PDE3A: variants seen among roughly 807,000 people sequenced by gnomAD.
PDE3A encodes phosphodiesterase 3A.
Under a neutral mutation model 98.3 loss-of-function variants are expected in PDE3A, and 43 were observed. That is an observed-to-expected ratio of 0.44 (90% CI 0.34 to 0.56). PDE3A has a LOEUF of 0.56. Ranked by LOEUF, PDE3A falls within the 20% of genes least tolerant of loss-of-function variation. The pLI is 0.01. For synonymous variants in PDE3A, 663 were observed against 567.9 expected (o/e 1.17, Z -2.38); for missense variants, 1,427 against 1,440.7 (o/e 0.99, Z 0.15).
chr12:20,444,824 T>G (rs1042111099), intron 1 of PDE3A, among the ~76,000 whole-genome samples: 2 of 152,184 alleles, frequency 1.3e-5, no homozygotes, highest in African/African-American at 2.4e-5. Context: ...CCTTAAATTG[T>G]CTGCCTCAGG....
In PDE3A at chr12:20,448,751, G is replaced by GTTTTT. The variant is rs1265923346; in HGVS notation, c.960+78507_960+78508insTTTTT. ...ACATTATTTAAAGTTTTTATTTTAAGGTTTTTTTTTTTTTTTGAGATGGAG... is the reference window on the plus strand; with the variant it reads ...ACATTATTTAAAGTTTTTATTTTAAGTTTTTGTTTTTTTTTTTTTTTGAGATGGAG... On this transcript the variant is annotated intron_variant, in intron 1 of 15. Transcript: ENST00000359062. Among the ~76,000 whole-genome samples, 29 of 134,318 alleles carry GTTTTT rather than the reference G, an allele frequency of 2.2e-4. 1 individual carries two copies. Among genetic ancestry groups the GTTTTT allele is most frequent in the Non-Finnish European group, 3.2e-4 (20 of 62,694 alleles). 88.1% of individuals were successfully genotyped at this position (134,318 alleles called of 152,430 possible).
chr12:20,408,024 A>G lies in PDE3A; in HGVS notation c.960+37780A>G, dbSNP rs567284748. On this transcript the variant is annotated intron_variant, in intron 1 of 15. Coordinates refer to ENST00000359062, the MANE Select transcript of PDE3A (RefSeq NM_000921.5). ...AACCTCCGTCTGCCTCCTGGGTTGA[A>G]GCAATTCTGCCTCTGCATCCTAAGT... 3.9e-5 allele frequency among the ~76,000 whole-genome samples: 6 copies of G among 152,178 alleles called. No individual in the cohort carries two copies. In the East Asian group the frequency reaches 1.2e-3, roughly 29 times the overall value.
chr12:20,633,746 G>A lies in PDE3A; in HGVS notation c.1814G>A (p.Ser605Asn), dbSNP rs752970172. The change falls in exon 7 of 16, where the codon AGT becomes AAT. Residue 605 changes from serine to asparagine, a missense_variant. Physicochemically the swap from Ser to Asn is conservative, Grantham distance 46. Around this residue, in one of 3 missense-constraint regions of PDE3A, gnomAD observed 1,012 missense variants for 886.5 expected, o/e 1.14. Coordinates refer to ENST00000359062, the MANE Select transcript of PDE3A (RefSeq NM_000921.5). Reference protein sequence around the residue: ...GNPADEPLERSGVATRTPSRT... With the variant: ...GNPADEPLERNGVATRTPSRT... ...CCTGCTGATGAGCCCCTGGAGAGAAGTGGGGTAGCCACTCGGACACCAAGT... is the reference window on the plus strand; with the variant it reads ...CCTGCTGATGAGCCCCTGGAGAGAAATGGGGTAGCCACTCGGACACCAAGT... 9.3e-6 allele frequency: 15 copies of A among 1,609,976 alleles called. No individual in the cohort carries two copies. The highest frequency in any genetic ancestry group is 1.7e-4 in the Middle Eastern group (1 of 6,046).
At chr12:20,433,130 T>G (rs1020451779) in intron 1 of PDE3A, among the ~76,000 whole-genome samples, 1 of 152,124 alleles carries the variant, frequency 6.6e-6, no homozygotes, top group Admixed American at 6.5e-5. Flanking sequence ...CCAAAAATCC[T>G]CCTTTTATTA....
chr12:20,588,010 A>C (rs1471672558), intron 2 of PDE3A, among the ~76,000 whole-genome samples: 1 of 152,198 alleles, frequency 6.6e-6, no homozygotes, highest in East Asian at 1.9e-4. Flanking sequence ...GCAGATAAAA[A>C]ATAGAGAAAA....
chr12:20,501,812 T>A (rs1946030091), intron 1 of PDE3A, among the ~76,000 whole-genome samples: 1 of 152,178 alleles, frequency 6.6e-6, no homozygotes, highest in Non-Finnish European at 1.5e-5. Flanking sequence ...ATAGAAATGA[T>A]TGCATCATGC....
chr12:20,576,363 A>G (rs1942932753), intron 2 of PDE3A, among the ~76,000 whole-genome samples: 1 of 152,138 alleles, frequency 6.6e-6, no homozygotes, highest in South Asian at 2.1e-4. Context: ...TAATTGAAGT[A>G]TGAGTACTAT....
intron 2 of PDE3A, among the ~76,000 whole-genome samples, chr12:20,600,271 C>T (rs1943558629): frequency 6.6e-6 from 1 of 152,192 alleles, no homozygotes; most frequent in South Asian, 2.1e-4. Flanking sequence ...TCAGTACCCT[C>T]GTCCAAACTG....
chr12:20,603,900 G>T (rs1434606078), intron 2 of PDE3A, among the ~76,000 whole-genome samples: 1 of 152,194 alleles, frequency 6.6e-6, no homozygotes, highest in African/African-American at 2.4e-5. Flanking sequence ...GCCAGGCATG[G>T]TGGCTCACGC....
At chr12:20,497,866 G>C (rs1945948191) in intron 1 of PDE3A, among the ~76,000 whole-genome samples, 1 of 152,068 alleles carries the variant, frequency 6.6e-6, no homozygotes, top group South Asian at 2.1e-4. Context: ...GTTCAATTGT[G>C]TTAGTATACT....
chr12:20,486,773 A>G (rs1197177832), intron 1 of PDE3A, among the ~76,000 whole-genome samples: 1 of 152,168 alleles, frequency 6.6e-6, no homozygotes, highest in Non-Finnish European at 1.5e-5. Context: ...AGCTGGGATT[A>G]CAGGCATGTG....
rs994013725 is a variant in PDE3A at position 20,682,733 on chromosome 12, G to A, written c.*2462G>A. ...TTTCCTTGCAATTAAGGGGAAAAAA[G>A]CATTTATCTTATCTTCTCATACCCC... is the stretch of plus-strand genomic sequence containing the variant. On this transcript the variant is annotated 3_prime_UTR_variant, in exon 16 of 16. Transcript: ENST00000359062. 6.6e-6 allele frequency: 1 copy of A among 152,158 alleles called. No homozygotes were observed. Among genetic ancestry groups the A allele is most frequent in the Non-Finnish European group, 1.5e-5 (1 of 68,016 alleles). 9.4% of individuals were successfully genotyped at this position (152,158 alleles called of 1,614,324 possible). A position where few individuals can be genotyped will look rare whatever the true frequency, so the allele number is the denominator to read the frequency against.
chr12:20,455,149 G>C (rs1473900379), intron 1 of PDE3A, among the ~76,000 whole-genome samples: 2 of 152,066 alleles, frequency 1.3e-5, no homozygotes, highest in Non-Finnish European at 2.9e-5. Flanking sequence ...TTTAATAATG[G>C]TCATTCTGAT....
In PDE3A at chr12:20,646,894, G is replaced by T; in HGVS notation, c.2509G>T (p.Asp837Tyr). 1 of 1,613,962 alleles carries T rather than the reference G, an allele frequency of 6.2e-7. No individual in the cohort carries two copies. Among genetic ancestry groups the T allele is most frequent in the Non-Finnish European group, 8.5e-7 (1 of 1,179,882 alleles). Residue 837 changes from aspartate (D) to tyrosine (Y), a missense_variant, in exon 12 of 16, where the codon GAT becomes TAT. Physicochemically the swap from Asp to Tyr is radical, Grantham distance 160. Transcript: ENST00000359062. ...GCTGTATGTGGCTGCAGCCATGCACGATTATGATCATCCAGGAAGGACTAA... is the reference window on the plus strand; with the variant it reads ...GCTGTATGTGGCTGCAGCCATGCACTATTATGATCATCCAGGAAGGACTAA... ...MALYVAAAMHDYDHPGRTNAF... is the reference protein window; with the variant it reads ...MALYVAAAMHYYDHPGRTNAF...
intron 15 of PDE3A, among the ~76,000 whole-genome samples, chr12:20,656,941 T>C (rs999794782): frequency 6.6e-6 from 1 of 152,210 alleles, no homozygotes. Flanking sequence ...TAGGGTTGGG[T>C]TGTCATACCT....
intron 5 of PDE3A, 143 bp from the exon 6 acceptor site, chr12:20,629,765 T>TG (rs1459440345): frequency 1.6e-6 from 1 of 638,604 alleles, no homozygotes; most frequent in African/African-American, 1.8e-5. Flanking sequence ...CTTCAGATGT[T>TG]GGTATGTGGA....
rs555687505 is a variant in PDE3A, at chr12:20,518,367, A to G, written c.961-38293A>G. 5.3e-5 allele frequency among the ~76,000 whole-genome samples: 8 copies of G among 152,224 alleles called. No individual in the cohort carries two copies. In the East Asian group the frequency reaches 1.5e-3, roughly 29 times the overall value. ...GCTATGACAATGACTGAACTTTTAG[A>G]GGGCTCAGAGTTAGAGCTTCAAAGA... On this transcript the variant is annotated intron_variant, in intron 1 of 15. Transcript: ENST00000359062.
At chr12:20,582,827 G>A (rs1943102787) in intron 2 of PDE3A, among the ~76,000 whole-genome samples, 2 of 152,220 alleles carry the variant, frequency 1.3e-5, no homozygotes, top group South Asian at 2.1e-4. Flanking sequence ...GAGTATAGAG[G>A]TGAAAGAATA....
In PDE3A at chr12:20,686,197, A is replaced by T. The variant is rs554206762; in HGVS notation, c.*5926A>T. ...GGGAAAATGTTTTATGAAGGATTCA[A>T]ATACATTAGATAAAAATTAGTGTCA... is the stretch of plus-strand genomic sequence containing the variant. On this transcript the variant is annotated 3_prime_UTR_variant, in exon 16 of 16. Coordinates refer to ENST00000359062, the MANE Select transcript of PDE3A (RefSeq NM_000921.5). 4.6e-5 allele frequency among the ~76,000 whole-genome samples: 7 copies of T among 152,334 alleles called. No homozygotes were observed. In the East Asian group the frequency reaches 1.3e-3, roughly 29 times the overall value.
Sources: allele counts gnomAD v4.1 joint callset (sites outside exome capture counted in the v4.1 genomes callset), GRCh38; gene constraint gnomAD v4.1.1; regional missense constraint gnomAD v4.1.1; transcripts MANE v1.5; gene names NCBI Gene and HGNC (gene_info 2026-07-23, HGNC 2026-07-21).